PPP5C: variants seen among roughly 807,000 people sequenced by gnomAD.
PPP5C encodes the protein protein phosphatase 5 catalytic subunit.
A neutral mutation model predicts 66.7 loss-of-function variants in PPP5C; 21 were observed. The observed-to-expected ratio is 0.31, with a 90% CI of 0.22 to 0.45. PPP5C has a LOEUF of 0.45. Among genes scored for constraint, PPP5C ranks in the 20% least tolerant of loss-of-function variants. PPP5C has a pLI of 1.00. For synonymous variants in PPP5C, 246 were observed against 257.4 expected, an observed-to-expected ratio of 0.96 and a Z score of 0.43; for missense variants, 464 against 675.9, an observed-to-expected ratio of 0.69 and a Z score of 3.48.
intron 2 of PPP5C, among the ~76,000 whole-genome samples, chr19:46,374,539 G>C (rs1972657538): frequency 6.6e-6 from 1 of 152,222 alleles, no homozygotes; most frequent in African/African-American, 2.4e-5. Context: ...CCCAAATCCA[G>C]TCTGCTTTTC....
chr19:46,372,849 G>A (rs924909697), intron 2 of PPP5C, among the ~76,000 whole-genome samples: 4 of 152,186 alleles, frequency 2.6e-5, no homozygotes, highest in Non-Finnish European at 4.4e-5. Context: ...GTTCTGACCC[G>A]GTGGGCCTTC....
At chr19:46,359,777 C>CT (rs35982365) in intron 2 of PPP5C, among the ~76,000 whole-genome samples, 36,181 of 121,662 alleles carry the variant, frequency 0.3, 6,356 homozygotes, top group Middle Eastern at 0.37. Flanking sequence ...TCGGATTAGA[C>CT]TTTTTTTTTT....
Position 46,387,170 on chromosome 19 carries a change from T to C in PPP5C, c.982T>C (p.Tyr328His). 1 of 1,614,254 alleles carries C rather than the reference T, an allele frequency of 6.2e-7. No homozygotes were observed. The highest frequency in any genetic ancestry group is 1.1e-5 in the South Asian group (1 of 91,086). The change falls in exon 8 of 13, where the codon TAC (tyrosine) becomes CAC (histidine). Residue 328 changes from tyrosine to histidine, a missense_variant. Physicochemically the swap from Tyr to His is moderately conservative, Grantham distance 83. Around this residue, in one of 2 missense-constraint regions of PPP5C, gnomAD observed 387 missense variants for 626.0 expected, o/e 0.62. Transcript: ENST00000012443. ...EVKAKYTAQM[Y>H]ELFSEVFEWL... Reference sequence around the variant, plus strand: ...GAAGGCCAAGTACACAGCCCAGATGTACGAGCTCTTTAGCGAGGTGTTCGA... The same window carrying C: ...GAAGGCCAAGTACACAGCCCAGATGCACGAGCTCTTTAGCGAGGTGTTCGA...
intron 1 of PPP5C, among the ~76,000 whole-genome samples, chr19:46,349,579 G>T (rs1182450438): frequency 2.0e-5 from 3 of 152,144 alleles, no homozygotes. Context: ...TTGGAAGTCA[G>T]ATTGGGGAAT....
At chr19:46,350,263 T>C (rs1972160377) in intron 1 of PPP5C, among the ~76,000 whole-genome samples, 1 of 151,984 alleles carries the variant, frequency 6.6e-6, no homozygotes, top group South Asian at 2.1e-4. Context: ...GCAGAATAAG[T>C]GAAGTGACTA....
Position 46,347,221 on chromosome 19 carries a change from C to T in PPP5C, c.121+4C>T, listed in dbSNP as rs1268927924. ...CAGGCCAATGACTACTTCAAAGGTG[C>T]GCCCGCCTGGCAGGGAGGGTGGACA... On this transcript the variant is annotated splice_donor_region_variant and intron_variant, in intron 1 of 12. Coordinates refer to ENST00000012443, the MANE Select transcript of PPP5C (RefSeq NM_006247.4). The T allele has an allele frequency of 6.2e-7, 1 of 1,600,596 alleles. No individual in the cohort carries two copies. Among genetic ancestry groups the T allele is most frequent in the Non-Finnish European group, 8.5e-7 (1 of 1,174,030 alleles).
intron 1 of PPP5C, among the ~76,000 whole-genome samples, chr19:46,350,947 C>T (rs1972173549): frequency 6.6e-6 from 1 of 152,160 alleles, no homozygotes; most frequent in Non-Finnish European, 1.5e-5. Flanking sequence ...TGGCTGGTTG[C>T]TCTGTAAGTT....
At chr19:46,348,510 C>A (rs1475686314) in intron 1 of PPP5C, among the ~76,000 whole-genome samples, 1 of 151,994 alleles carries the variant, frequency 6.6e-6, no homozygotes, top group South Asian at 2.1e-4. Context: ...GATGGGGTTT[C>A]GCCATGTTGG....
chr19:46,348,307 ATTTTTTTT>A lies in PPP5C; in HGVS notation c.121+1105_121+1112del, dbSNP rs35992791. Among the ~76,000 whole-genome samples, 8 of 111,246 alleles carry A rather than the reference ATTTTTTTT, an allele frequency of 7.2e-5. 1 individual carries two copies. The East Asian group carries it at 7.6e-4, about 11-fold the overall frequency. The allele number at this position is 111,246 out of a possible 152,430, so 73.0% of individuals were successfully genotyped here. On this transcript the variant is annotated intron_variant, in intron 1 of 12. Coordinates refer to ENST00000012443, the MANE Select transcript of PPP5C (RefSeq NM_006247.4). ...GAGTCATTACAAAGACCAGTTTGGA[ATTTTTTTT>A]TTTTTTTTTTTTTTGAGACGGGAGT... is the stretch of plus-strand genomic sequence containing the variant.
intron 2 of PPP5C, 66 bp downstream of exon 2, chr19:46,354,055 G>T: frequency 1.9e-6 from 3 of 1,566,206 alleles, no homozygotes; most frequent in Non-Finnish European, 1.7e-6. Context: ...GGGCTGGCGG[G>T]GACGGGTGTG....
rs866052210 is a variant in PPP5C at position 46,363,335 on chromosome 19, A to C, written c.363+9346A>C. On this transcript the variant is annotated intron_variant, in intron 2 of 12. Transcript: ENST00000012443. ...AAAAAAAAAAAAAAAAAAAAAAAAA[A>C]AAAAAAAAAAAACAATTTTAAACTA... Among the ~76,000 whole-genome samples the C allele has an allele frequency of 2.2e-3, 291 of 131,330 alleles. 2 individuals carry two copies. The highest frequency in any genetic ancestry group is 3.8e-3 in the African/African-American group (138 of 36,316). The allele number at this position is 131,330 out of a possible 152,430, so 86.2% of individuals were successfully genotyped here. A position where few individuals can be genotyped will look rare whatever the true frequency, so the allele number is the denominator to read the frequency against.
intron 7 of PPP5C, 21 bp from the exon 8 acceptor site, chr19:46,387,071 CT>C: frequency 6.2e-7 from 1 of 1,614,158 alleles, no homozygotes; most frequent in Non-Finnish European, 8.5e-7. Flanking sequence ...TGAGCTTTCT[CT>C]TCTGTCCCCG....
chr19:46,386,348 G>A (rs373342285), intron 7 of PPP5C, among the ~76,000 whole-genome samples: 7 of 152,202 alleles, frequency 4.6e-5, no homozygotes, highest in African/African-American at 1.2e-4. Context: ...CTGCATGCCC[G>A]TGTCCCTGGG....
Position 46,384,753 on chromosome 19 carries a change from C to T in PPP5C, c.799-51C>T, listed in dbSNP as rs376156963. 168 of 1,439,606 alleles carry T rather than the reference C, an allele frequency of 1.2e-4. 1 individual carries two copies. The highest frequency in any genetic ancestry group is 1.5e-4 in the Non-Finnish European group (150 of 1,022,676). 89.2% of individuals were successfully genotyped at this position (1,439,606 alleles called of 1,614,324 possible). ...CTTCTGCCACCACCCCCAACCCCACCGCACCGCACCCTTCCCCTCCACGCT... is the reference window on the plus strand; with the variant it reads ...CTTCTGCCACCACCCCCAACCCCACTGCACCGCACCCTTCCCCTCCACGCT... On this transcript the variant is annotated intron_variant, in intron 6 of 12. Transcript: ENST00000012443.
intron 2 of PPP5C, among the ~76,000 whole-genome samples, chr19:46,370,590 T>C (rs1972572084): frequency 6.6e-6 from 1 of 152,190 alleles, no homozygotes; most frequent in Non-Finnish European, 1.5e-5. Flanking sequence ...CATGGATTTG[T>C]GTGAGTAATG....
At chr19:46,371,946 C>G (rs1446131117) in intron 2 of PPP5C, among the ~76,000 whole-genome samples, 1 of 152,128 alleles carries the variant, frequency 6.6e-6, no homozygotes, top group African/African-American at 2.4e-5. Flanking sequence ...TAATCCCTCA[C>G]CCTTAGTTTT....
intron 2 of PPP5C, among the ~76,000 whole-genome samples, chr19:46,356,028 T>A (rs1353663138): frequency 7.9e-5 from 12 of 152,082 alleles, no homozygotes; most frequent in African/African-American, 2.9e-4. Context: ...TCTGGCCCAG[T>A]CTAGGGCCCA....
rs996352136 is a variant in PPP5C, at chr19:46,360,497, CT to C, written c.363+6521del. On this transcript the variant is annotated intron_variant, in intron 2 of 12. Transcript: ENST00000012443. ...GATTTTTCTTTGAAATTAGATTTTTCTTTTTTTTTTTTTCTTTTTTGGAGAC... is the reference window on the plus strand; with the variant it reads ...GATTTTTCTTTGAAATTAGATTTTTCTTTTTTTTTTTTCTTTTTTGGAGAC... 1.3e-3 allele frequency among the ~76,000 whole-genome samples: 186 copies of C among 144,240 alleles called. 1 individual carries two copies. Among genetic ancestry groups the C allele is most frequent in the Middle Eastern group, 3.7e-3 (1 of 268 alleles). 94.6% of individuals were successfully genotyped at this position (144,240 alleles called of 152,430 possible). A position where few individuals can be genotyped will look rare whatever the true frequency, so the allele number is the denominator to read the frequency against.
At chr19:46,356,078 G>A (rs55650632) in intron 2 of PPP5C, among the ~76,000 whole-genome samples, 7,606 of 152,304 alleles carry the variant, frequency 0.05, 360 homozygotes, top group African/African-American at 0.13. Flanking sequence ...CCTGAGGCTG[G>A]GCTGGTTGGC....
Sources: gnomAD v4.1 joint callset for allele counts (sites outside exome capture counted in the v4.1 genomes callset) on GRCh38, gnomAD v4.1.1 for gene constraint, gnomAD v4.1.1 regional missense constraint, MANE v1.5 for transcripts, NCBI Gene and HGNC (gene_info 2026-07-23, HGNC 2026-07-21) for gene names.